Variants in PITPNM2 observed in about 807,000 individuals in gnomAD.
PITPNM2 encodes membrane-associated phosphatidylinositol transfer protein 2.
PITPNM2 carries 35 observed loss-of-function variants against 132.2 expected under a neutral mutation model. The observed-to-expected ratio is 0.26, with a 90% confidence interval of 0.20 to 0.35. The LOEUF is 0.35. Among genes scored for constraint, PITPNM2 ranks in the 10% least tolerant of loss-of-function variants. The pLI, the probability that PITPNM2 is intolerant of heterozygous loss-of-function variation, is 1.00. For synonymous variants in PITPNM2, 738 were observed against 799.2 expected (o/e 0.92, Z 1.29); for missense variants, 1,332 against 1,912.0 (o/e 0.70, Z 5.66).
chr12:123,093,943 C>A (rs982398943), intron 2 of PITPNM2, among the ~76,000 whole-genome samples: 1 of 152,260 alleles, frequency 6.6e-6, no homozygotes, highest in African/African-American at 2.4e-5. Context: ...TTAGGATCAG[C>A]CCCCTCATCT....
chr12:123,120,542 C>T (rs573023127), intron 1 of PITPNM2, among the ~76,000 whole-genome samples: 164 of 152,326 alleles, frequency 1.1e-3, no homozygotes, highest in African/African-American at 3.7e-3. Flanking sequence ...TGGCATAAAG[C>T]TAATTCACTG....
At position 123,007,530 on chromosome 12, in the gene PITPNM2, T is replaced by C. The variant is rs762837389; in HGVS notation, c.644-1982A>G. On this transcript the variant is annotated intron_variant, in intron 6 of 25. Transcript: ENST00000320201. ...ACGCCAGGCTCCCAGGCTGGTCTCC[T>C]GTGTACCCTCTTTTCCTGCCTCCTC... The C allele has an allele frequency of 1.9e-4, 70 of 377,092 alleles. No homozygotes were observed. The Middle Eastern group carries it at 5.2e-3, about 28-fold the overall frequency. The allele number at this position is 377,092 out of a possible 1,614,324, so 23.4% of individuals were successfully genotyped here.
chr12:123,125,043 G>A (rs1157534357), intron 1 of PITPNM2, among the ~76,000 whole-genome samples: 3 of 152,110 alleles, frequency 2.0e-5, no homozygotes, highest in Non-Finnish European at 4.4e-5. Flanking sequence ...CTGCAGCCTT[G>A]ATCTCTTGGG....
At chr12:123,144,995 G>A (rs1387114816) in intron 1 of PITPNM2, among the ~76,000 whole-genome samples, 2 of 152,170 alleles carry the variant, frequency 1.3e-5, no homozygotes, top group Non-Finnish European at 1.5e-5. Context: ...CACTAACTCA[G>A]TGTTTGAAGA....
rs2038254205 is a variant in PITPNM2, at chr12:122,992,840, G to C, written c.2234-171C>G. The stretch of plus-strand genomic sequence containing the variant: ...TTGGGTCATTGTCACTTTTTTGTTT[G>C]TTTGAGACAGGGTCTTGCTCTGTCA... On this transcript the variant is annotated intron_variant, in intron 15 of 25. Coordinates refer to ENST00000320201, the MANE Select transcript of PITPNM2 (RefSeq NM_020845.3). The surrounding 1 kb of genome is among the most constrained non-coding windows in gnomAD (Gnocchi z 6.5). 1.3e-5 allele frequency among the ~76,000 whole-genome samples: 2 copies of C among 151,986 alleles called. No individual in the cohort carries two copies. The highest frequency in any genetic ancestry group is 2.9e-5 in the Non-Finnish European group (2 of 67,990).
At chr12:123,021,197 C>T (rs774887904) in intron 3 of PITPNM2, among the ~76,000 whole-genome samples, 1 of 152,168 alleles carries the variant, frequency 6.6e-6, no homozygotes, top group Non-Finnish European at 1.5e-5. Flanking sequence ...TGCTCCTTAC[C>T]CTGTGCCCAA....
chr12:123,031,358 G>C lies in PITPNM2; in HGVS notation c.78+3155C>G, dbSNP rs191066734. ...CATTTTGTTGGAGCTCGGACTGGGG[G>C]CTGTGGAGGCCAGAACCCAGCGATG... On this transcript the variant is annotated intron_variant, in intron 3 of 25. Coordinates refer to ENST00000320201, the MANE Select transcript of PITPNM2 (RefSeq NM_020845.3). The surrounding 1 kb of genome is among the most constrained non-coding windows in gnomAD (Gnocchi z 4.5). 3.8e-3 allele frequency among the ~76,000 whole-genome samples: 579 copies of C among 152,306 alleles called. 7 individuals carry two copies. The highest frequency in any genetic ancestry group is 0.013 in the African/African-American group (555 of 41,574).
In PITPNM2 at chr12:123,135,329, T is replaced by G. The variant is rs1413036645; in HGVS notation, c.-200+15424A>C. On this transcript the variant is annotated intron_variant, in intron 1 of 25. Coordinates refer to ENST00000320201, the MANE Select transcript of PITPNM2 (RefSeq NM_020845.3). ...AATAATGTACTTTCATTTTAAATATTTTTAAACCATTTGACGTTTTAAAAA... is the reference window on the plus strand; with the variant it reads ...AATAATGTACTTTCATTTTAAATATGTTTAAACCATTTGACGTTTTAAAAA... Among the ~76,000 whole-genome samples the G allele has an allele frequency of 3.9e-5, 6 of 152,166 alleles. No individual in the cohort carries two copies. In the East Asian group the frequency reaches 1.2e-3, roughly 29 times the overall value.
At chr12:123,024,189 C>T (rs2039772138) in intron 3 of PITPNM2, among the ~76,000 whole-genome samples, 1 of 152,202 alleles carries the variant, frequency 6.6e-6, no homozygotes, top group Non-Finnish European at 1.5e-5. Flanking sequence ...TGCTCAACAT[C>T]ATTTGTCATT....
Position 123,108,172 on chromosome 12 carries a change from T to C in PITPNM2, c.-96+2213A>G, listed in dbSNP as rs2042760347. Among the ~76,000 whole-genome samples the C allele has an allele frequency of 6.6e-6, 1 of 152,218 alleles. No homozygotes were observed. The highest frequency in any genetic ancestry group is 2.4e-5 in the African/African-American group (1 of 41,440). Reference sequence around the variant, plus strand: ...TCTGTTTTGTTCACAGTGGCGTCTCTGGCAACTGGAATGGTCCCTGGTGCA... The same window carrying C: ...TCTGTTTTGTTCACAGTGGCGTCTCCGGCAACTGGAATGGTCCCTGGTGCA... On this transcript the variant is annotated intron_variant, in intron 2 of 25. Transcript: ENST00000320201. The surrounding 1 kb of genome is among the most constrained non-coding windows in gnomAD (Gnocchi z 4.4).
intron 1 of PITPNM2, among the ~76,000 whole-genome samples, chr12:123,124,591 A>C (rs1017102281): frequency 6.6e-6 from 1 of 152,160 alleles, no homozygotes; most frequent in South Asian, 2.1e-4. Flanking sequence ...TTATTATTAT[A>C]CTTTAAGTTC....
intron 1 of PITPNM2, among the ~76,000 whole-genome samples, chr12:123,113,779 A>G (rs1233009331): frequency 1.3e-5 from 2 of 151,972 alleles, no homozygotes; most frequent in East Asian, 3.9e-4. Flanking sequence ...TACAACCATC[A>G]CCACTATCTG....
At chr12:123,001,015 G>T (rs116799934) in intron 9 of PITPNM2, 39 bp downstream of exon 9, 3 of 1,585,592 alleles carry the variant, frequency 1.9e-6, no homozygotes, top group East Asian at 2.2e-5. Flanking sequence ...CCCTGCAACC[G>T]CCCTCCCCAG....
intron 5 of PITPNM2, among the ~76,000 whole-genome samples, chr12:123,010,343 C>G (rs1312176590): frequency 6.6e-6 from 1 of 152,194 alleles, no homozygotes; most frequent in Non-Finnish European, 1.5e-5. Flanking sequence ...CTCAGCCTCT[C>G]AAAGTGCTGA....
chr12:122,986,962 G>C, intron 23 of PITPNM2, 133 bp from the exon 24 acceptor site: 1 of 1,206,480 alleles, frequency 8.3e-7, no homozygotes, highest in Non-Finnish European at 1.1e-6. Flanking sequence ...CGACGACAAT[G>C]GTTGACAATG....
intron 4 of PITPNM2, among the ~76,000 whole-genome samples, chr12:123,012,945 G>A (rs2039271141): frequency 1.3e-5 from 2 of 152,178 alleles, no homozygotes; most frequent in African/African-American, 4.8e-5. Flanking sequence ...AGGATTTAGG[G>A]GGAGCAGAAG....
At position 122,997,572 on chromosome 12, in the gene PITPNM2, C is replaced by A. The variant is rs766692596; in HGVS notation, c.1225G>T (p.Asp409Tyr). Residue 409 changes from aspartate to tyrosine, a missense_variant and splice_region_variant, in exon 11 of 26, where the codon GAC (aspartate) becomes TAC (tyrosine). Asp to Tyr is a radical substitution (Grantham distance 160). This residue lies in a region of PITPNM2 where 710 missense variants were observed against 911.5 expected (regional missense o/e 0.78). Coordinates refer to ENST00000320201, the MANE Select transcript of PITPNM2 (RefSeq NM_020845.3). ...GCAGCCAGCGGCTGGCTAACCTCGT[C>A]CTGCATGGGTTGGGGGACAGTGTCA... ...SSVEQLNIIE[D>Y]EVSQPLAAPP... 6.2e-7 allele frequency: 1 copy of A among 1,610,060 alleles called. No homozygotes were observed. The highest frequency in any genetic ancestry group is 8.5e-7 in the Non-Finnish European group (1 of 1,177,536).
intron 6 of PITPNM2, chr12:123,007,306 G>C (rs2038978084): frequency 2.2e-6 from 1 of 455,974 alleles, no homozygotes; most frequent in Non-Finnish European, 4.4e-6. Context: ...ACATTTCATT[G>C]ATTCCTTTTC....
chr12:122,992,769 GT>G lies in PITPNM2; in HGVS notation c.2234-101del. On this transcript the variant is annotated intron_variant, in intron 15 of 25. Transcript: ENST00000320201. The surrounding 1 kb of genome is among the most constrained non-coding windows in gnomAD (Gnocchi z 6.5). Reference sequence around the variant, plus strand: ...CTGGGCACTGGGTTGTCTGCTGAAAGTTAGGGATAAGATGGGGGGTGTGTCT... The same window carrying G: ...CTGGGCACTGGGTTGTCTGCTGAAAGTAGGGATAAGATGGGGGGTGTGTCT... 1.1e-6 allele frequency: 1 copy of G among 880,688 alleles called. No individual in the cohort carries two copies. Among genetic ancestry groups the G allele is most frequent in the Non-Finnish European group, 1.7e-6 (1 of 579,744 alleles). 54.6% of individuals were successfully genotyped at this position (880,688 alleles called of 1,614,324 possible). A position where few individuals can be genotyped will look rare whatever the true frequency, so the allele number is the denominator to read the frequency against.
Sources: allele counts gnomAD v4.1 joint callset (sites outside exome capture counted in the v4.1 genomes callset), GRCh38; gene constraint gnomAD v4.1.1; regional missense constraint gnomAD v4.1.1; non-coding constraint Gnocchi (gnomAD v3.1); transcripts MANE v1.5; gene names NCBI Gene and HGNC (gene_info 2026-07-23, HGNC 2026-07-21).